The following SAMMSON variants were observed in gnomAD, a reference collection of about 807,000 sequenced individuals.
SAMMSON encodes long intergenic non-protein coding RNA 1212.
intron 3 of SAMMSON, among the ~76,000 whole-genome samples, chr3:70,064,723 G>T (rs926927223): frequency 7.2e-5 from 11 of 152,066 alleles, no homozygotes; most frequent in Non-Finnish European, 1.6e-4. Context: ...AGAAGTCATG[G>T]CGCGTCTTTG....
intron 7 of SAMMSON, among the ~76,000 whole-genome samples, chr3:70,295,690 T>C (rs1240330283): frequency 6.6e-6 from 1 of 152,126 alleles, no homozygotes; most frequent in African/African-American, 2.4e-5. Flanking sequence ...AGACCCTATC[T>C]CAAAAATAAA....
intron 4 of SAMMSON, among the ~76,000 whole-genome samples, chr3:70,120,972 A>C (rs549192266): frequency 1.3e-5 from 2 of 152,142 alleles, no homozygotes; most frequent in African/African-American, 4.8e-5. Flanking sequence ...ACTCACCATT[A>C]TGTAGAATCA....
At chr3:70,163,145 G>A (rs1345580652) in intron 4 of SAMMSON, among the ~76,000 whole-genome samples, 3 of 151,034 alleles carry the variant, frequency 2.0e-5, no homozygotes, top group Non-Finnish European at 1.5e-5. Flanking sequence ...CACATTCAAC[G>A]CAATGATTGA....
intron 2 of SAMMSON, among the ~76,000 whole-genome samples, chr3:70,404,492 C>G (rs1281097478): frequency 6.6e-6 from 1 of 152,000 alleles, no homozygotes; most frequent in Non-Finnish European, 1.5e-5. Flanking sequence ...TATAATTAAT[C>G]TTCTTGGGAT....
At chr3:70,232,904 C>G (rs894812412) in intron 4 of SAMMSON, among the ~76,000 whole-genome samples, 7 of 152,070 alleles carry the variant, frequency 4.6e-5, no homozygotes, top group African/African-American at 1.7e-4. Flanking sequence ...GTTTGAAGCC[C>G]TATGCTAGGC....
At chr3:70,244,311 GAC>G (rs1484240742) in intron 4 of SAMMSON, among the ~76,000 whole-genome samples, 1 of 152,156 alleles carries the variant, frequency 6.6e-6, no homozygotes, top group Non-Finnish European at 1.5e-5. Context: ...CTGCAGTGTA[GAC>G]TTTTTCATGT....
At chr3:70,268,789 C>G (rs980449617) in intron 6 of SAMMSON, among the ~76,000 whole-genome samples, 9 of 152,114 alleles carry the variant, frequency 5.9e-5, no homozygotes, top group African/African-American at 2.2e-4. Flanking sequence ...TTATTTGCAT[C>G]ATAAATATTT....
rs779281992 is a variant in SAMMSON at position 70,410,966 on chromosome 3, G to A, written n.234-51594G>A. Among the ~76,000 whole-genome samples the A allele has an allele frequency of 1.2e-4, 19 of 152,114 alleles. 1 individual carries two copies. The highest frequency in any genetic ancestry group is 5.9e-5 in the Non-Finnish European group (4 of 68,030). On this transcript the variant is annotated intron_variant and non_coding_transcript_variant, in intron 2 of 3. Transcript: ENST00000641053. ...CCACCTATTGGGCTGTATATTTTCTGAGGGCCGGAGCACTGTCTCATTCAT... is the reference window on the plus strand; with the variant it reads ...CCACCTATTGGGCTGTATATTTTCTAAGGGCCGGAGCACTGTCTCATTCAT...
chr3:70,068,916 T>G (rs2067220073), intron 3 of SAMMSON: 1 of 152,098 alleles, frequency 6.6e-6, no homozygotes, highest in African/African-American at 2.4e-5. Flanking sequence ...GCAGTCGAAG[T>G]TATTACTGTG....
At chr3:70,181,269 C>T (rs1045858312) in intron 4 of SAMMSON, among the ~76,000 whole-genome samples, 2 of 152,190 alleles carry the variant, frequency 1.3e-5, no homozygotes, top group Middle Eastern at 3.2e-3. Flanking sequence ...AATGAAGCTG[C>T]GTATGTGGTC....
chr3:70,317,225 T>G (rs1276539053), intron 7 of SAMMSON, among the ~76,000 whole-genome samples: 5 of 152,058 alleles, frequency 3.3e-5, no homozygotes, highest in Non-Finnish European at 5.9e-5. Flanking sequence ...CTTACAGGCA[T>G]ATCTTATATT....
At chr3:70,123,976 A>G (rs1328131359) in intron 4 of SAMMSON, among the ~76,000 whole-genome samples, 1 of 152,214 alleles carries the variant, frequency 6.6e-6, no homozygotes, top group African/African-American at 2.4e-5. Context: ...GCCATTTTCA[A>G]TGTTGTTGCC....
intron 3 of SAMMSON, among the ~76,000 whole-genome samples, chr3:70,016,668 G>A (rs569388813): frequency 3.8e-4 from 58 of 151,826 alleles, no homozygotes; most frequent in African/African-American, 1.0e-3. Flanking sequence ...GCCCATGCCT[G>A]TGTCCTGAAT....
At chr3:70,158,416 G>A (rs1206626978) in intron 4 of SAMMSON, among the ~76,000 whole-genome samples, 1 of 151,952 alleles carries the variant, frequency 6.6e-6, no homozygotes, top group Non-Finnish European at 1.5e-5. Flanking sequence ...ATAGTATTCT[G>A]TTGTATGGTT....
rs114133444 is a variant in SAMMSON, at chr3:70,254,462, G to C, written n.674+4792G>C. ...CATTTTAGACACAAAGGGCGTAAAAGAAAAATAGACCTTCTTTTGGGCTTT... is the reference window on the plus strand; with the variant it reads ...CATTTTAGACACAAAGGGCGTAAAACAAAAATAGACCTTCTTTTGGGCTTT... On this transcript the variant is annotated intron_variant and non_coding_transcript_variant, in intron 6 of 9. Transcript: ENST00000642114. Among the ~76,000 whole-genome samples the C allele has an allele frequency of 5.1e-3, 773 of 152,198 alleles. 8 individuals are homozygous for C. Among genetic ancestry groups the C allele is most frequent in the African/African-American group, 0.018 (746 of 41,542 alleles).
At chr3:70,152,443 GACAGTGGGT>G (rs2067575538) in intron 4 of SAMMSON, among the ~76,000 whole-genome samples, 1 of 152,034 alleles carries the variant, frequency 6.6e-6, no homozygotes, top group Non-Finnish European at 1.5e-5. Context: ...AATCAAAAGT[GACAGTGGGT>G]ACCTTCTTCT....
intron 6 of SAMMSON, among the ~76,000 whole-genome samples, chr3:70,278,852 G>A (rs1315489426): frequency 1.3e-5 from 2 of 151,788 alleles, no homozygotes; most frequent in East Asian, 3.9e-4. Flanking sequence ...TCAAATCAAA[G>A]GGTTGTTGTA....
intron 6 of SAMMSON, among the ~76,000 whole-genome samples, chr3:70,275,363 A>G (rs964770762): frequency 3.0e-4 from 46 of 152,006 alleles, no homozygotes; most frequent in African/African-American, 1.1e-3. Context: ...AAAAAGAAAA[A>G]AATTAGTTGG....
chr3:70,152,523 T>G (rs1389650608), intron 4 of SAMMSON, among the ~76,000 whole-genome samples: 1 of 152,048 alleles, frequency 6.6e-6, no homozygotes, highest in Non-Finnish European at 1.5e-5. Context: ...TCAAAACATA[T>G]AGTATTGGCA....
Sources: gnomAD v4.1 joint callset for allele counts (sites outside exome capture counted in the v4.1 genomes callset) on GRCh38, gnomAD v4.1.1 for gene constraint, MANE v1.5 for transcripts, NCBI Gene and HGNC (gene_info 2026-07-23, HGNC 2026-07-21) for gene names.